Variants in CSMD2 observed in about 807,000 individuals in gnomAD.
CSMD2 encodes CUB and sushi domain-containing protein 2.
Under a neutral mutation model 398.5 loss-of-function variants are expected in CSMD2, and 130 were observed. That is an observed-to-expected ratio of 0.33 (90% CI 0.28 to 0.38). The LOEUF (loss-of-function observed/expected upper bound fraction) is 0.38, where lower values mean the gene tolerates loss of function less well. CSMD2 is among the 10% of genes least tolerant of loss of function. CSMD2 has a pLI of 1.00. For synonymous variants in CSMD2, 1,828 were observed against 1,908.5 expected (o/e 0.96, Z 1.10); for missense variants, 3,829 against 4,764.9 (o/e 0.80, Z 5.78).
At chr1:33,931,863 T>G (rs74959987) in intron 4 of CSMD2, among the ~76,000 whole-genome samples, 4,782 of 152,180 alleles carry the variant, frequency 0.031, 230 homozygotes, top group African/African-American at 0.11. Context: ...TCCCTAGCAG[T>G]ACAGGTAGGA....
chr1:34,038,646 G>T (rs1189229203), intron 2 of CSMD2, among the ~76,000 whole-genome samples: 1 of 152,170 alleles, frequency 6.6e-6, no homozygotes, highest in Non-Finnish European at 1.5e-5. Flanking sequence ...AATCCTGCAT[G>T]GCTTGGCCCT....
intron 5 of CSMD2, among the ~76,000 whole-genome samples, chr1:33,907,260 A>T (rs1643152485): frequency 1.4e-4 from 21 of 150,744 alleles, no homozygotes; most frequent in Admixed American, 5.9e-4. Context: ...CTGGGACCAC[A>T]GGCGTCTGCC....
At chr1:34,040,760 T>C (rs1363423461) in intron 2 of CSMD2, among the ~76,000 whole-genome samples, 1 of 152,168 alleles carries the variant, frequency 6.6e-6, no homozygotes, top group Non-Finnish European at 1.5e-5. Flanking sequence ...AAAAGCAGAC[T>C]GCTTCGAACA....
In CSMD2 at chr1:33,524,862, T is replaced by C. The variant is rs760416556; in HGVS notation, c.10396+20A>G. The C allele has an allele frequency of 2.2e-5, 36 of 1,611,748 alleles. No homozygotes were observed. Among genetic ancestry groups the C allele is most frequent in the East Asian group, 4.5e-5 (2 of 44,820 alleles). ...TGCCCATCCATCCTCCCGGCTTTCA[T>C]AGAGGGGCCTGCTCCTTACCAGCCA... On this transcript the variant is annotated intron_variant, in intron 66 of 70. Coordinates refer to ENST00000373381, the MANE Select transcript of CSMD2 (RefSeq NM_001281956.2).
chr1:33,646,692 C>T lies in CSMD2; in HGVS notation c.4730G>A (p.Ser1577Asn). 6.2e-7 allele frequency: 1 copy of T among 1,614,156 alleles called. No individual in the cohort carries two copies. The highest frequency in any genetic ancestry group is 8.5e-7 in the Non-Finnish European group (1 of 1,180,040). ...SSNSLFLAFR[S>N]DASVSNAGFV... Reference sequence around the variant, plus strand: ...GCCAGCATTGCTCACAGATGCATCGCTGCGGAAGGCGAGGAAGAGGCTGTT... The same window carrying T: ...GCCAGCATTGCTCACAGATGCATCGTTGCGGAAGGCGAGGAAGAGGCTGTT... The change falls in exon 29 of 71, where the codon AGC (serine) becomes AAC (asparagine). Residue 1577 changes from serine to asparagine, a missense_variant. Around this residue, in one of 5 missense-constraint regions of CSMD2, gnomAD observed 2,001 missense variants for 2,567.1 expected, o/e 0.78. Coordinates refer to ENST00000373381, the MANE Select transcript of CSMD2 (RefSeq NM_001281956.2).
intron 25 of CSMD2, among the ~76,000 whole-genome samples, chr1:33,674,547 A>T (rs894238102): frequency 6.6e-6 from 1 of 152,200 alleles, no homozygotes; most frequent in Non-Finnish European, 1.5e-5. Context: ...TAGACAGATC[A>T]ACAAGACAGA....
chr1:33,598,937 C>G (rs1011955758), intron 44 of CSMD2: 1 of 152,362 alleles, frequency 6.6e-6, no homozygotes, highest in Non-Finnish European at 1.5e-5. Flanking sequence ...TCTGTGTTTC[C>G]TGTGCTTCTT....
chr1:34,011,453 G>A (rs745545564), intron 3 of CSMD2, among the ~76,000 whole-genome samples: 24 of 152,178 alleles, frequency 1.6e-4, no homozygotes, highest in Admixed American at 3.9e-4. Context: ...GAAACGAAGA[G>A]AGGCTATGAG....
intron 6 of CSMD2, among the ~76,000 whole-genome samples, chr1:33,836,117 C>T (rs572574813): frequency 1.3e-5 from 2 of 152,310 alleles, no homozygotes; most frequent in African/African-American, 4.8e-5. Context: ...TTGGTGTTTG[C>T]CGGAGGTCCA....
intron 54 of CSMD2, among the ~76,000 whole-genome samples, chr1:33,558,665 A>G (rs547050594): frequency 6.6e-6 from 1 of 152,320 alleles, no homozygotes; most frequent in South Asian, 2.1e-4. Flanking sequence ...ACTGCTGTCA[A>G]AAGCCTCTAA....
chr1:33,967,798 A>G (rs1486219595), intron 3 of CSMD2, among the ~76,000 whole-genome samples: 1 of 152,158 alleles, frequency 6.6e-6, no homozygotes, highest in Admixed American at 6.5e-5. Flanking sequence ...TCTGACCTCC[A>G]GTCTGTGAAG....
At position 33,844,287 on chromosome 1, in the gene CSMD2, T is replaced by G. The variant is rs201940918; in HGVS notation, c.1033+2597A>C. Among the ~76,000 whole-genome samples the G allele has an allele frequency of 1.7e-3, 265 of 151,704 alleles. 1 individual carries two copies. Among genetic ancestry groups the G allele is most frequent in the Middle Eastern group, 0.017 (5 of 294 alleles). On this transcript the variant is annotated intron_variant, in intron 6 of 70. Coordinates refer to ENST00000373381, the MANE Select transcript of CSMD2 (RefSeq NM_001281956.2). ...TTTGGTTGTCATGACTGTGTGTGTG[T>G]GGGGGGGCGCTGCTAATGGCTGCTG...
At chr1:33,544,842 TATATATATATATACAC>T (rs144111262) in intron 57 of CSMD2, among the ~76,000 whole-genome samples, 28,036 of 150,470 alleles carry the variant, frequency 0.19, 2,894 homozygotes, top group East Asian at 0.33. Flanking sequence ...TATATATATA[TATATATATATATACAC>T]ATATAATCTC....
chr1:34,159,529 G>A (rs1194067022), intron 1 of CSMD2, among the ~76,000 whole-genome samples: 1 of 152,228 alleles, frequency 6.6e-6, no homozygotes, highest in Non-Finnish European at 1.5e-5. Context: ...AAGTTGAATG[G>A]CAACAAGGTT....
intron 2 of CSMD2, among the ~76,000 whole-genome samples, chr1:34,075,628 C>T (rs1656237552): frequency 6.6e-6 from 1 of 152,164 alleles, no homozygotes; most frequent in Non-Finnish European, 1.5e-5. Context: ...CTTAGCTGTG[C>T]TTAACTGGTG....
At chr1:33,902,703 G>C (rs1159740010) in intron 5 of CSMD2, among the ~76,000 whole-genome samples, 2 of 152,160 alleles carry the variant, frequency 1.3e-5, no homozygotes, top group East Asian at 3.9e-4. Context: ...ACCAGAAGAG[G>C]TATCTAGAGA....
chr1:34,094,849 A>C (rs1226223163), intron 1 of CSMD2, among the ~76,000 whole-genome samples: 1 of 150,514 alleles, frequency 6.6e-6, no homozygotes, highest in Non-Finnish European at 1.5e-5. Flanking sequence ...AGACAGATCA[A>C]CGAGACAGAA....
chr1:33,924,368 TCCACCATGTATGTGTATA>T (rs1644051094), intron 4 of CSMD2, among the ~76,000 whole-genome samples: 2 of 152,180 alleles, frequency 1.3e-5, no homozygotes, highest in African/African-American at 2.4e-5. Flanking sequence ...TGAGTAGTAT[TCCACCATGTATGTGTATA>T]CCACATACAC....
intron 3 of CSMD2, among the ~76,000 whole-genome samples, chr1:33,963,146 C>CTTAAA (rs1645427817): frequency 6.6e-6 from 1 of 152,204 alleles, no homozygotes; most frequent in Admixed American, 6.5e-5. Flanking sequence ...AATGCAACCC[C>CTTAAA]AGCCACACCA....
Sources: allele counts gnomAD v4.1 joint callset (sites outside exome capture counted in the v4.1 genomes callset), GRCh38; gene constraint gnomAD v4.1.1; regional missense constraint gnomAD v4.1.1; transcripts MANE v1.5; gene names NCBI Gene and HGNC (gene_info 2026-07-23, HGNC 2026-07-21).